Variants in ZNF266 observed in about 807,000 individuals in gnomAD.
ZNF266 encodes the protein zinc finger protein 1.
In ZNF266, 16 loss-of-function variants were observed where a neutral mutation model predicts 16.4. That is an observed-to-expected ratio of 0.98 (90% CI 0.66 to 1.48). ZNF266 has a LOEUF of 1.48. Among genes scored for constraint, ZNF266 ranks in the 40% most tolerant of loss-of-function variants. The pLI is 0.00. For synonymous variants in ZNF266, 262 were observed against 237.9 expected (o/e 1.10, Z -0.93); for missense variants, 738 against 689.1 (o/e 1.07, Z -0.79).
chr19:9,418,700 T>A, intron 7 of ZNF266, 69 bp from the exon 8 acceptor site: 1 of 782,612 alleles, frequency 1.3e-6, no homozygotes. Flanking sequence ...CAAAATGCAA[T>A]ACCTACAGAG....
At chr19:9,415,604 C>T in intron 10 of ZNF266, 50 bp downstream of exon 10, 1 of 1,443,320 alleles carries the variant, frequency 6.9e-7, no homozygotes, top group Non-Finnish European at 9.7e-7. Context: ...TAATGGAATC[C>T]CCAATCATCT....
In ZNF266 at chr19:9,414,694, G is replaced by A; in HGVS notation, c.432C>T (p.Val144=). Residue 144 remains valine, a synonymous_variant, in exon 11 of 11, where the codon GTC becomes GTT. Coordinates refer to ENST00000592904, the MANE Select transcript of ZNF266 (RefSeq NM_001370374.1). The part of the protein sequence containing the change: ...QMIGSHNGGE[V]SDVKQCGDVS... ...CATCTCCACATTGCTTAACATCACT[G>A]ACCTCCCCTCCGTTGTGGCTTCCTA... The A allele has an allele frequency of 6.3e-7, 1 of 1,581,794 alleles. No homozygotes were observed.
At chr19:9,425,171 C>T (rs1338364403) in intron 5 of ZNF266, among the ~76,000 whole-genome samples, 4 of 152,098 alleles carry the variant, frequency 2.6e-5, no homozygotes, top group South Asian at 2.1e-4. Context: ...CTTTCCTTTG[C>T]GCAACCAATC....
chr19:9,432,409 T>C (rs957455246), intron 5 of ZNF266, among the ~76,000 whole-genome samples: 5 of 152,238 alleles, frequency 3.3e-5, no homozygotes, highest in Non-Finnish European at 7.3e-5. Context: ...AGCAACTTTA[T>C]ATCAGAATCC....
At chr19:9,426,464 C>T (rs965995331) in intron 5 of ZNF266, among the ~76,000 whole-genome samples, 1 of 149,836 alleles carries the variant, frequency 6.7e-6, no homozygotes, top group Non-Finnish European at 1.5e-5. Flanking sequence ...AAATTAAGAA[C>T]CCTTCAGGCA....
intron 5 of ZNF266, among the ~76,000 whole-genome samples, chr19:9,421,009 C>A (rs368955531): frequency 2.4e-5 from 3 of 125,712 alleles, no homozygotes; most frequent in African/African-American, 6.1e-5. Context: ...CCGAGTATGA[C>A]CCAACAACAG....
Position 9,413,819 on chromosome 19 carries a change from TTAGTA to T in ZNF266, c.1302_1306del (p.Thr435AlafsTer12). ...CTCTCCACTGTGAGTTCGTGCATGC[TTAGTA>T]AGGTCTGAGTTCTGAGTGAAGGCTT... On this transcript the variant is annotated frameshift_variant, in exon 11 of 11. Coordinates refer to ENST00000592904, the MANE Select transcript of ZNF266 (RefSeq NM_001370374.1). LOFTEE classifies it low-confidence loss of function (END_TRUNC). 4 of 1,614,078 alleles carry T rather than the reference TTAGTA, an allele frequency of 2.5e-6. 1 individual carries two copies. The highest frequency in any genetic ancestry group is 3.4e-6 in the Non-Finnish European group (4 of 1,179,984).
At chr19:9,425,549 G>A (rs763941257) in intron 5 of ZNF266, among the ~76,000 whole-genome samples, 1 of 152,156 alleles carries the variant, frequency 6.6e-6, no homozygotes, top group Non-Finnish European at 1.5e-5. Context: ...ACAACCTGAG[G>A]GACACAAGAC....
chr19:9,413,919 A>T lies in ZNF266; in HGVS notation c.1207T>A (p.Ser403Thr). The T allele has an allele frequency of 6.2e-7, 1 of 1,614,138 alleles. No homozygotes were observed. The highest frequency in any genetic ancestry group is 1.3e-5 in the African/African-American group (1 of 75,016). ...CGAAAGTGATCACTGAGGCATGAGG[A>T]ATTTCTAAAGGATTTTCCACATATC... Reference protein sequence around the residue: ...CKICGKSFRNSSCLSDHFRIH... With the variant: ...CKICGKSFRNTSCLSDHFRIH... The change falls in exon 11 of 11, where the codon TCC becomes ACC. Residue 403 changes from serine (S) to threonine (T), a missense_variant. Ser to Thr is a moderately conservative substitution (Grantham distance 58). Coordinates refer to ENST00000592904, the MANE Select transcript of ZNF266 (RefSeq NM_001370374.1).
chr19:9,419,015 T>G (rs1221910407), intron 7 of ZNF266: 1 of 162,214 alleles, frequency 6.2e-6, no homozygotes, highest in African/African-American at 2.4e-5. Context: ...TAATCAATAT[T>G]GAAATACTGG....
At chr19:9,427,469 C>T (rs2070925926) in intron 5 of ZNF266, among the ~76,000 whole-genome samples, 1 of 151,780 alleles carries the variant, frequency 6.6e-6, no homozygotes, top group Admixed American at 6.6e-5. Flanking sequence ...TACAGGTGTG[C>T]GTCACCATGC....
At chr19:9,416,077 C>T (rs887158610) in intron 9 of ZNF266, among the ~76,000 whole-genome samples, 5 of 152,152 alleles carry the variant, frequency 3.3e-5, no homozygotes, top group African/African-American at 9.7e-5. Flanking sequence ...ACGCCTCAGC[C>T]CCTCAAAGTG....
rs758686288 is a variant in ZNF266, at chr19:9,414,181, G to A, written c.945C>T (p.Ala315=). ...NPYECKECGK[A]FTRSCQLTQH... ...GAGTAAGTTGACAAGACCTGGTGAAGGCTTTCCCACACTCCTTACACTCAT... is the reference window on the plus strand; with the variant it reads ...GAGTAAGTTGACAAGACCTGGTGAAAGCTTTCCCACACTCCTTACACTCAT... The change falls in exon 11 of 11, where the codon GCC becomes GCT. Residue 315 remains alanine (A), a synonymous_variant. Transcript: ENST00000592904. The A allele has an allele frequency of 1.2e-6, 2 of 1,613,900 alleles. No individual in the cohort carries two copies. Among genetic ancestry groups the A allele is most frequent in the Admixed American group, 1.7e-5 (1 of 60,008 alleles).
At chr19:9,426,970 T>C (rs192143424) in intron 5 of ZNF266, among the ~76,000 whole-genome samples, 18 of 152,326 alleles carry the variant, frequency 1.2e-4, no homozygotes, top group Admixed American at 1.1e-3. Context: ...AAAGTGAGAC[T>C]TTGACACTTA....
Position 9,413,161 on chromosome 19 carries a change from T to C in ZNF266, c.*114A>G, listed in dbSNP as rs2068470767. The C allele has an allele frequency of 1.5e-6, 2 of 1,335,924 alleles. No homozygotes were observed. The highest frequency in any genetic ancestry group is 2.0e-6 in the Non-Finnish European group (2 of 980,430). The allele number at this position is 1,335,924 out of a possible 1,614,324, so 82.8% of individuals were successfully genotyped here. On this transcript the variant is annotated 3_prime_UTR_variant, in exon 11 of 11. Coordinates refer to ENST00000592904, the MANE Select transcript of ZNF266 (RefSeq NM_001370374.1). ...TCCACTGTGAATTCATATGTGTTCA[T>C]TAAGACCTGAGATACAAAGTTGCTT...
Position 9,412,686 on chromosome 19 carries a change from C to T in ZNF266, c.*589G>A, listed in dbSNP as rs142907693. The T allele has an allele frequency of 6.6e-6, 1 of 152,496 alleles. No homozygotes were observed. The highest frequency in any genetic ancestry group is 2.4e-5 in the African/African-American group (1 of 41,568). The allele number at this position is 152,496 out of a possible 1,614,324, so 9.4% of individuals were successfully genotyped here. A position where few individuals can be genotyped will look rare whatever the true frequency, so the allele number is the denominator to read the frequency against. The stretch of plus-strand genomic sequence containing the variant: ...GACAGGGTTGGTTTCCTCTGGAGGC[C>T]ATAATGAAAGCATCTGTTCCAGGTC... On this transcript the variant is annotated 3_prime_UTR_variant, in exon 11 of 11. Transcript: ENST00000592904.
chr19:9,424,822 C>T (rs1047606487), intron 5 of ZNF266, among the ~76,000 whole-genome samples: 4 of 152,138 alleles, frequency 2.6e-5, no homozygotes, highest in Admixed American at 6.5e-5. Flanking sequence ...GTTTGAACTG[C>T]GCATCTGCTC....
intron 5 of ZNF266, among the ~76,000 whole-genome samples, chr19:9,424,748 T>G (rs1181262622): frequency 1.3e-5 from 2 of 152,216 alleles, no homozygotes; most frequent in Non-Finnish European, 2.9e-5. Context: ...AGAAACAGAA[T>G]AGTTAGAATG....
rs761505702 is a variant in ZNF266 at position 9,417,825 on chromosome 19, C to G, written c.316+3G>C. The G allele has an allele frequency of 6.2e-7, 1 of 1,613,424 alleles. No homozygotes were observed. Among genetic ancestry groups the G allele is most frequent in the East Asian group, 2.2e-5 (1 of 44,868 alleles). The stretch of plus-strand genomic sequence containing the variant: ...ACCAGGGCGGTCCTTTGTGAACACT[C>G]ACCTTGGAAATCACCTCTCTGCACT... On this transcript the variant is annotated splice_donor_region_variant and intron_variant, in intron 9 of 10. Transcript: ENST00000592904.
Sources: gnomAD v4.1 joint callset for allele counts (sites outside exome capture counted in the v4.1 genomes callset) on GRCh38, gnomAD v4.1.1 for gene constraint, MANE v1.5 for transcripts, NCBI Gene and HGNC (gene_info 2026-07-23, HGNC 2026-07-21) for gene names.